Variants in CPM observed in about 807,000 individuals in gnomAD.
CPM encodes renal carboxypeptidase.
In CPM, 35 loss-of-function variants were observed where a neutral mutation model predicts 46.4. That is an observed-to-expected ratio of 0.75 (90% confidence interval 0.58 to 1.00). The LOEUF is 1.00. CPM is among the 50% of genes least tolerant of loss of function. The pLI is 0.00. For missense variants in CPM, 422 were observed against 530.4 expected (o/e 0.80, Z 2.01); for synonymous variants, 195 against 195.3 (o/e 1.00, Z 0.01).
At chr12:68,847,231 TC>T (rs1217997418), downstream of CPM, 1 of 141,760 alleles carries the variant, frequency 7.1e-6, no homozygotes, top group Admixed American at 7.0e-5. Flanking sequence ...AGAGGCAGAG[TC>T]CTGCTATGTT....
chr12:68,868,188 T>C (rs1885538832), intron 6 of CPM, among the ~76,000 whole-genome samples: 1 of 152,090 alleles, frequency 6.6e-6, no homozygotes, highest in Non-Finnish European at 1.5e-5. Flanking sequence ...TAGCTACAAA[T>C]TGTGGAGAGC....
At position 68,856,552 on chromosome 12, in the gene CPM, G is replaced by A. The variant is rs770283891; in HGVS notation, c.1217C>T (p.Ser406Leu). 1 of 1,614,118 alleles carries A rather than the reference G, an allele frequency of 6.2e-7. No individual in the cohort carries two copies. Among genetic ancestry groups the A allele is most frequent in the Non-Finnish European group, 8.5e-7 (1 of 1,180,038 alleles). Reference sequence around the variant, plus strand: ...AGGAATCATTGGGCATGAAGGATTTGATACTGGGATAGAATCCAATTGCCC... The same window carrying A: ...AGGAATCATTGGGCATGAAGGATTTAATACTGGGATAGAATCCAATTGCCC... The part of the protein sequence containing the change: ...FQGQLDSIPV[S>L]NPSCPMIPLY... Residue 406 changes from serine to leucine, a missense_variant, in exon 9 of 9, where the codon TCA (serine) becomes TTA (leucine). Coordinates refer to ENST00000551568, the MANE Select transcript of CPM (RefSeq NM_198320.5).
chr12:68,912,978 G>A (rs1311221282), intron 2 of CPM, among the ~76,000 whole-genome samples: 1 of 152,168 alleles, frequency 6.6e-6, no homozygotes, highest in Non-Finnish European at 1.5e-5. Context: ...GTAGTTACTT[G>A]CATGACCTGA....
intron 8 of CPM, 76 bp from the exon 9 acceptor site, chr12:68,856,755 C>T (rs981796684): frequency 1.2e-5 from 18 of 1,546,764 alleles, no homozygotes; most frequent in Non-Finnish European, 1.6e-5. Context: ...CACTGATATC[C>T]ATCACTAAAA....
intron 1 of CPM, among the ~76,000 whole-genome samples, chr12:68,946,026 A>C (rs1451561327): frequency 6.6e-6 from 1 of 150,688 alleles, no homozygotes; most frequent in Non-Finnish European, 1.5e-5. Flanking sequence ...CTAATTTTTA[A>C]ATAATTTTTT....
At chr12:68,919,939 C>T (rs923277461) in intron 2 of CPM, among the ~76,000 whole-genome samples, 1 of 152,198 alleles carries the variant, frequency 6.6e-6, no homozygotes, top group African/African-American at 2.4e-5. Flanking sequence ...ATGTCATCCC[C>T]CATGTTAGAG....
chr12:68,870,840 G>A (rs1252871860), intron 4 of CPM, among the ~76,000 whole-genome samples: 17 of 152,192 alleles, frequency 1.1e-4, no homozygotes, highest in Non-Finnish European at 1.0e-4. Flanking sequence ...CTGACCTATG[G>A]AATCAACAGT....
At chr12:68,872,065 A>G (rs913266024) in intron 3 of CPM, 109 bp from the exon 4 acceptor site, 10 of 1,093,730 alleles carry the variant, frequency 9.1e-6, no homozygotes, top group African/African-American at 3.2e-5. Context: ...GATATCTCAG[A>G]CCCAAACTAG....
At chr12:68,935,293 C>A (rs182975496), upstream of CPM, among the ~76,000 whole-genome samples, 1 of 151,696 alleles carries the variant, frequency 6.6e-6, no homozygotes, top group African/African-American at 2.4e-5. Flanking sequence ...TACAGTCTCA[C>A]TCTGTTGCCC....
chr12:68,893,201 G>A (rs1562115), intron 2 of CPM, among the ~76,000 whole-genome samples: 150,222 of 151,216 alleles, frequency 0.99, 74,620 homozygotes, highest in East Asian at 1. Context: ...AAGGAAAGAC[G>A]TGGACAAAAT....
intron 2 of CPM, among the ~76,000 whole-genome samples, chr12:68,887,127 T>C (rs2136255016): frequency 6.6e-6 from 1 of 152,360 alleles, no homozygotes; most frequent in East Asian, 1.9e-4. Context: ...GCTTGTCTCT[T>C]AAGAGGCTTG....
chr12:68,846,494 C>T (rs1795474), downstream of CPM: 51,515 of 151,908 alleles, frequency 0.34, 9,494 homozygotes, highest in Non-Finnish European at 0.42. Flanking sequence ...TGGTTCACAC[C>T]TCCCCAGCCC....
chr12:68,898,292 C>T (rs569293853), intron 2 of CPM, among the ~76,000 whole-genome samples: 57 of 152,184 alleles, frequency 3.7e-4, no homozygotes, highest in South Asian at 2.1e-4. Flanking sequence ...TTATTGCTAC[C>T]ATAAGAACTC....
chr12:68,951,240 A>C (rs1888930398), intron 1 of CPM, among the ~76,000 whole-genome samples: 1 of 152,226 alleles, frequency 6.6e-6, no homozygotes, highest in Non-Finnish European at 1.5e-5. Context: ...AATAAAAATC[A>C]CTTAACAATG....
chr12:68,878,587 C>T (rs1462014820), intron 3 of CPM, among the ~76,000 whole-genome samples: 1 of 152,188 alleles, frequency 6.6e-6, no homozygotes, highest in Non-Finnish European at 1.5e-5. Context: ...CACCACTCCC[C>T]ACTGTCTCTC....
chr12:68,881,334 T>C (rs1239380545), intron 3 of CPM, among the ~76,000 whole-genome samples: 1 of 152,200 alleles, frequency 6.6e-6, no homozygotes, highest in Non-Finnish European at 1.5e-5. Flanking sequence ...AGACAACTGA[T>C]TGGGCTCTTT....
chr12:68,892,663 C>T (rs1436217506), intron 2 of CPM, among the ~76,000 whole-genome samples: 1 of 152,058 alleles, frequency 6.6e-6, no homozygotes, highest in Non-Finnish European at 1.5e-5. Flanking sequence ...AGTTTGAGAC[C>T]AGCCTGCCTA....
At chr12:68,945,010 A>C (rs1313749535) in intron 1 of CPM, among the ~76,000 whole-genome samples, 2 of 152,126 alleles carry the variant, frequency 1.3e-5, no homozygotes, top group Non-Finnish European at 2.9e-5. Context: ...AAAAATCTGA[A>C]AAACATCTCA....
At chr12:68,899,074 C>T (rs1325416773) in intron 2 of CPM, among the ~76,000 whole-genome samples, 1 of 152,142 alleles carries the variant, frequency 6.6e-6, no homozygotes, top group Non-Finnish European at 1.5e-5. Context: ...ATTTGTTATG[C>T]CAAGAGACAG....
Sources: allele counts gnomAD v4.1 joint callset (sites outside exome capture counted in the v4.1 genomes callset), GRCh38; gene constraint gnomAD v4.1.1; transcripts MANE v1.5; gene names NCBI Gene and HGNC (gene_info 2026-07-23, HGNC 2026-07-21).